The following CSMD2 variants were observed in gnomAD, a reference collection of about 807,000 sequenced individuals.
CSMD2 encodes the protein CUB and Sushi multiple domains 2, also known as CUB and sushi domain-containing protein 2.
Under a neutral mutation model 398.5 loss-of-function variants are expected in CSMD2, and 130 were observed. The ratio of observed to expected loss-of-function variants is 0.33; its 90% CI spans 0.28 to 0.38. CSMD2 has a LOEUF of 0.38. Ranked by LOEUF, CSMD2 falls within the 10% of genes least tolerant of loss-of-function variation. The probability of loss-of-function intolerance (pLI) is 1.00; values close to 1 mark genes in which losing one functional copy is unlikely to be tolerated. For missense variants in CSMD2, 3,829 were observed against 4,764.9 expected (o/e 0.80, Z 5.78); for synonymous variants, 1,828 against 1,908.5 (o/e 0.96, Z 1.10).
At chr1:34,150,034 T>A (rs1640141862) in intron 1 of CSMD2, among the ~76,000 whole-genome samples, 1 of 152,060 alleles carries the variant, frequency 6.6e-6, no homozygotes, top group African/African-American at 2.4e-5. Context: ...ATCCTCTGAT[T>A]CAGAAAATCA....
At chr1:33,722,184 G>A (rs1376851515) in intron 19 of CSMD2, among the ~76,000 whole-genome samples, 1 of 152,226 alleles carries the variant, frequency 6.6e-6, no homozygotes, top group East Asian at 1.9e-4. Flanking sequence ...AAATCTTGAT[G>A]TAGAGTTTTA....
chr1:33,933,297 C>T (rs1366336797), intron 4 of CSMD2, among the ~76,000 whole-genome samples: 1 of 152,102 alleles, frequency 6.6e-6, no homozygotes, highest in Non-Finnish European at 1.5e-5. Flanking sequence ...TCAGAGGAAG[C>T]TAAAGCTGAC....
intron 3 of CSMD2, among the ~76,000 whole-genome samples, chr1:34,029,193 T>C (rs951606781): frequency 1.3e-5 from 2 of 152,144 alleles, no homozygotes; most frequent in Non-Finnish European, 2.9e-5. Flanking sequence ...TTGAAGCCTG[T>C]CTGTCATTCT....
intron 12 of CSMD2, among the ~76,000 whole-genome samples, chr1:33,777,749 CTG>C (rs1652189365): frequency 6.6e-6 from 1 of 152,218 alleles, no homozygotes. Context: ...TCCATCATGA[CTG>C]AGCTCTGCCA....
intron 44 of CSMD2, among the ~76,000 whole-genome samples, chr1:33,588,352 T>G (rs535029076): frequency 2.0e-5 from 3 of 151,378 alleles, no homozygotes; most frequent in Non-Finnish European, 4.4e-5. Flanking sequence ...AAAGCTGCAA[T>G]GAAATCTTTT....
chr1:34,013,808 C>G (rs529849283), intron 3 of CSMD2, among the ~76,000 whole-genome samples: 59 of 151,998 alleles, frequency 3.9e-4, no homozygotes, highest in African/African-American at 1.4e-3. Flanking sequence ...CTCATCTGAC[C>G]TCATGGCTTT....
At chr1:33,688,868 A>T (rs1276603171) in intron 25 of CSMD2, among the ~76,000 whole-genome samples, 2 of 152,196 alleles carry the variant, frequency 1.3e-5, no homozygotes, top group Non-Finnish European at 2.9e-5. Context: ...TTCTATAAAG[A>T]TATTTCTAAT....
chr1:34,076,928 A>AAAAT lies in CSMD2; in HGVS notation c.404+12048_404+12049insATTT, dbSNP rs1232288848. Among the ~76,000 whole-genome samples the AAAAT allele has an allele frequency of 2.1e-3, 114 of 53,572 alleles. 1 individual carries two copies. Among genetic ancestry groups the AAAAT allele is most frequent in the Admixed American group, 3.1e-3 (10 of 3,210 alleles). The allele number at this position is 53,572 out of a possible 152,430, so 35.1% of individuals were successfully genotyped here. On this transcript the variant is annotated intron_variant, in intron 2 of 70. Coordinates refer to ENST00000373381, the MANE Select transcript of CSMD2 (RefSeq NM_001281956.2). The stretch of plus-strand genomic sequence containing the variant: ...GCAAAGCAAAAAAAAAAAAAAAAAA[A>AAAAT]ATATATATATATATATATATATATA...
At position 33,631,287 on chromosome 1, in the gene CSMD2, T is replaced by C. The variant is rs138486485; in HGVS notation, c.5200+2135A>G. The stretch of plus-strand genomic sequence containing the variant: ...GTGGTACTAAATGTAAATGAAATTA[T>C]GAAATGGATTTTTTACTAAAAGCTA... On this transcript the variant is annotated intron_variant, in intron 32 of 70. Coordinates refer to ENST00000373381, the MANE Select transcript of CSMD2 (RefSeq NM_001281956.2). Among the ~76,000 whole-genome samples the C allele has an allele frequency of 9.7e-4, 148 of 152,232 alleles. 1 individual carries two copies. Among genetic ancestry groups the C allele is most frequent in the African/African-American group, 3.3e-3 (138 of 41,556 alleles).
intron 27 of CSMD2, among the ~76,000 whole-genome samples, chr1:33,654,579 G>A (rs990632552): frequency 4.9e-4 from 75 of 152,246 alleles, no homozygotes; most frequent in Non-Finnish European, 9.7e-4. Flanking sequence ...CAGAGGGCTA[G>A]ATAAGTGGGG....
At chr1:33,857,890 C>T (rs573172667) in intron 5 of CSMD2, among the ~76,000 whole-genome samples, 3 of 146,600 alleles carry the variant, frequency 2.0e-5, no homozygotes, top group Non-Finnish European at 4.7e-5. Flanking sequence ...CTCTCCTATG[C>T]TATAAAGGAG....
At chr1:33,900,791 A>G (rs969489902) in intron 5 of CSMD2, among the ~76,000 whole-genome samples, 2 of 152,236 alleles carry the variant, frequency 1.3e-5, no homozygotes, top group Non-Finnish European at 2.9e-5. Flanking sequence ...AAAAAAAAAA[A>G]AAAGAGTTTT....
intron 12 of CSMD2, among the ~76,000 whole-genome samples, chr1:33,780,035 G>C (rs1466321906): frequency 1.3e-5 from 2 of 152,108 alleles, no homozygotes; most frequent in African/African-American, 2.4e-5. Context: ...AGAGAGAAGA[G>C]GCCGGAGAGA....
rs1646433620 is a variant in CSMD2 at position 33,723,732 on chromosome 1, T to A, written c.3001+465A>T. On this transcript the variant is annotated intron_variant, in intron 19 of 70. Coordinates refer to ENST00000373381, the MANE Select transcript of CSMD2 (RefSeq NM_001281956.2). The stretch of plus-strand genomic sequence containing the variant: ...AAGAAGAGGGAGCAGGTGTATCTGA[T>A]GCTCCTCCAGGATGCAATACAAGAA... Among the ~76,000 whole-genome samples, 6 of 152,302 alleles carry A rather than the reference T, an allele frequency of 3.9e-5. No individual in the cohort carries two copies. In the South Asian group the frequency reaches 1.2e-3, roughly 32 times the overall value.
chr1:34,016,993 C>G (rs1371988994), intron 3 of CSMD2, among the ~76,000 whole-genome samples: 1 of 152,144 alleles, frequency 6.6e-6, no homozygotes, highest in East Asian at 1.9e-4. Flanking sequence ...GATCGTTTAA[C>G]TGGCACTGTT....
chr1:33,925,447 C>G (rs1036556707), intron 4 of CSMD2, among the ~76,000 whole-genome samples: 1 of 152,096 alleles, frequency 6.6e-6, no homozygotes, highest in Non-Finnish European at 1.5e-5. Flanking sequence ...GTTATTATAG[C>G]CTTGTAATAT....
chr1:34,147,160 A>C (rs2148542342), intron 1 of CSMD2, among the ~76,000 whole-genome samples: 1 of 152,288 alleles, frequency 6.6e-6, no homozygotes, highest in East Asian at 1.9e-4. Context: ...CGGGAGGCTG[A>C]GGCAGGAGAA....
chr1:33,600,434 C>T (rs1010539779), intron 44 of CSMD2: 2 of 551,744 alleles, frequency 3.6e-6, no homozygotes, highest in Non-Finnish European at 6.4e-6. Context: ...TCTTCCTACT[C>T]AAAATCACAA....
At chr1:33,862,076 C>G (rs1639562278) in intron 5 of CSMD2, 1 of 152,248 alleles carries the variant, frequency 6.6e-6, no homozygotes, top group Non-Finnish European at 1.5e-5. Flanking sequence ...GAAAGGGGAT[C>G]TGGAAGGGCA....
Sources: gnomAD v4.1 joint callset for allele counts (sites outside exome capture counted in the v4.1 genomes callset) on GRCh38, gnomAD v4.1.1 for gene constraint, MANE v1.5 for transcripts, NCBI Gene and HGNC (gene_info 2026-07-23, HGNC 2026-07-21) for gene names.